SANBR: variants seen among roughly 807,000 people sequenced by gnomAD.
SANBR encodes SANT and BTB domain regulator of class switch recombination.
SANBR carries 77 observed loss-of-function variants against 101.8 expected under a neutral mutation model. The ratio of observed to expected loss-of-function variants is 0.76; its 90% CI spans 0.63 to 0.91. The LOEUF is 0.91. Among genes scored for constraint, SANBR ranks in the 40% least tolerant of loss-of-function variants. The pLI is 0.00. For missense variants in SANBR, 875 were observed against 853.0 expected, an observed-to-expected ratio of 1.03 and a Z score of -0.32; for synonymous variants, 279 against 274.7, an observed-to-expected ratio of 1.02 and a Z score of -0.15.
chr2:61,082,474 A>T (rs530773482), intron 7 of SANBR, among the ~76,000 whole-genome samples: 1 of 152,250 alleles, frequency 6.6e-6, no homozygotes, highest in South Asian at 2.1e-4. Flanking sequence ...AATTGACTGA[A>T]ATTTTCTGCC....
rs1257671153 is a variant in SANBR at position 61,119,783 on chromosome 2, C to T, written c.2029-1402C>T. Among the ~76,000 whole-genome samples, 3 of 152,100 alleles carry T rather than the reference C, an allele frequency of 2.0e-5. No homozygotes were observed. In the East Asian group the frequency reaches 5.8e-4, roughly 30 times the overall value. ...GACCAGCCTGGGCGACATGATGAAA[C>T]CCTATCTCTACAAAAAAAAGTAACA... On this transcript the variant is annotated intron_variant, in intron 20 of 21. Transcript: ENST00000402291.
intron 20 of SANBR, among the ~76,000 whole-genome samples, chr2:61,120,433 G>A (rs1346307007): frequency 3.3e-5 from 5 of 152,218 alleles, no homozygotes; most frequent in African/African-American, 4.8e-5. Flanking sequence ...CCGGAAGGTT[G>A]AGGTTGCAGT....
chr2:61,083,455 G>GA, intron 8 of SANBR, 141 bp downstream of exon 8: 1 of 623,604 alleles, frequency 1.6e-6, no homozygotes, highest in Non-Finnish European at 2.7e-6. Context: ...GGAGTGCAGT[G>GA]GTGCAATCTT....
At chr2:61,114,357 A>C (rs1216950429) in intron 16 of SANBR, among the ~76,000 whole-genome samples, 2 of 152,216 alleles carry the variant, frequency 1.3e-5, no homozygotes, top group Non-Finnish European at 2.9e-5. Flanking sequence ...CCCACTTAGT[A>C]GAGAGCAATC....
intron 20 of SANBR, among the ~76,000 whole-genome samples, chr2:61,130,381 T>G (rs1185795002): frequency 6.6e-6 from 1 of 152,098 alleles, no homozygotes; most frequent in Admixed American, 6.6e-5. Context: ...AATAGTTCTA[T>G]AACAACTAAA....
intron 21 of SANBR, among the ~76,000 whole-genome samples, chr2:61,134,656 A>T (rs1362888331): frequency 1.3e-5 from 2 of 152,234 alleles, no homozygotes; most frequent in Non-Finnish European, 2.9e-5. Context: ...GCATTTTGGG[A>T]GGCCAAGGTG....
At position 61,090,828 on chromosome 2, in the gene SANBR, A is replaced by G. The variant is rs181859534; in HGVS notation, c.1089-1636A>G. The G allele has an allele frequency of 4.0e-3, 616 of 152,234 alleles. 1 individual carries two copies. The highest frequency in any genetic ancestry group is 6.1e-3 in the Non-Finnish European group (417 of 68,366). 9.4% of individuals were successfully genotyped at this position (152,234 alleles called of 1,614,324 possible). A position where few individuals can be genotyped will look rare whatever the true frequency, so the allele number is the denominator to read the frequency against. Reference sequence around the variant, plus strand: ...AGGCCTCAAGCGATCTTCCCACTTCAGCCTCTCAAAGCGCTAGGATTACAG... The same window carrying G: ...AGGCCTCAAGCGATCTTCCCACTTCGGCCTCTCAAAGCGCTAGGATTACAG... On this transcript the variant is annotated intron_variant, in intron 10 of 21. Coordinates refer to ENST00000402291, the MANE Select transcript of SANBR (RefSeq NM_001129993.3).
In SANBR at chr2:61,070,358, G is replaced by A. The variant is rs780144517; in HGVS notation, c.8G>A (p.Arg3His). Residue 3 changes from arginine to histidine, a missense_variant, in exon 3 of 22, where the codon CGT (arginine) becomes CAT (histidine). Transcript: ENST00000402291. ...TATCCCTAGTTCCAAAAGATGAGTC[G>A]TGGATATTCAGAAAACAACAATTTC... MS[R>H]GYSENNNFLN... is the part of the protein sequence containing the mutation. 52 of 1,576,626 alleles carry A rather than the reference G, an allele frequency of 3.3e-5. No homozygotes were observed. Among genetic ancestry groups the A allele is most frequent in the Admixed American group, 3.9e-5 (2 of 51,936 alleles).
intron 16 of SANBR, among the ~76,000 whole-genome samples, chr2:61,113,364 T>C (rs1683926267): frequency 6.6e-6 from 1 of 152,218 alleles, no homozygotes; most frequent in African/African-American, 2.4e-5. Context: ...TCTACAAATA[T>C]CTTTTTGGGA....
At chr2:61,104,633 A>T (rs1362683171) in intron 13 of SANBR, among the ~76,000 whole-genome samples, 1 of 152,210 alleles carries the variant, frequency 6.6e-6, no homozygotes, top group African/African-American at 2.4e-5. Flanking sequence ...TGCATGATTG[A>T]TACAACTAGA....
chr2:61,131,630 C>T (rs1469157340), intron 20 of SANBR, among the ~76,000 whole-genome samples: 1 of 152,130 alleles, frequency 6.6e-6, no homozygotes, highest in Non-Finnish European at 1.5e-5. Flanking sequence ...ACAGATTCAC[C>T]ACAGTCTCTA....
At chr2:61,120,808 C>T (rs1684299072) in intron 20 of SANBR, among the ~76,000 whole-genome samples, 1 of 152,158 alleles carries the variant, frequency 6.6e-6, no homozygotes, top group African/African-American at 2.4e-5. Flanking sequence ...CAAGTGGCTA[C>T]ATGTTATATG....
chr2:61,110,481 A>T (rs962769235), intron 16 of SANBR, among the ~76,000 whole-genome samples: 1 of 152,192 alleles, frequency 6.6e-6, no homozygotes, highest in African/African-American at 2.4e-5. Context: ...GGAGTTCAAG[A>T]GCAGCCTGGC....
chr2:61,094,570 G>A (rs144204222), intron 11 of SANBR, among the ~76,000 whole-genome samples: 10 of 151,212 alleles, frequency 6.6e-5, no homozygotes, highest in African/African-American at 2.4e-4. Context: ...GAAGAAAGCT[G>A]CTATAAACAA....
intron 7 of SANBR, among the ~76,000 whole-genome samples, chr2:61,082,946 T>G (rs777836179): frequency 3.3e-5 from 5 of 152,232 alleles, no homozygotes; most frequent in Non-Finnish European, 7.3e-5. Flanking sequence ...AAATAATTTT[T>G]TAGGTATGTA....
chr2:61,092,420 A>G (rs751144362), intron 10 of SANBR, 44 bp from the exon 11 acceptor site: 6 of 1,405,210 alleles, frequency 4.3e-6, no homozygotes, highest in Non-Finnish European at 5.7e-6. Flanking sequence ...AATAAAACAA[A>G]TTGTTTATAT....
intron 16 of SANBR, among the ~76,000 whole-genome samples, chr2:61,110,520 A>T (rs1428217293): frequency 6.6e-6 from 1 of 152,192 alleles, no homozygotes; most frequent in Non-Finnish European, 1.5e-5. Flanking sequence ...TCTCTACAAA[A>T]ATACAAAAAT....
chr2:61,069,372 C>T (rs964616515), intron 2 of SANBR, among the ~76,000 whole-genome samples: 2 of 151,830 alleles, frequency 1.3e-5, no homozygotes, highest in African/African-American at 2.4e-5. Flanking sequence ...TGCTGCATTT[C>T]AGCAAGGTTC....
chr2:61,137,069 T>A (rs1429927568), intron 21 of SANBR, among the ~76,000 whole-genome samples: 1 of 151,874 alleles, frequency 6.6e-6, no homozygotes, highest in Non-Finnish European at 1.5e-5. Flanking sequence ...GGAAGATCGC[T>A]TGAGAATGTG....
Sources: gnomAD v4.1 joint callset for allele counts (sites outside exome capture counted in the v4.1 genomes callset) on GRCh38, gnomAD v4.1.1 for gene constraint, MANE v1.5 for transcripts, NCBI Gene and HGNC (gene_info 2026-07-23, HGNC 2026-07-21) for gene names.